Variants in RBFOX1 observed in about 807,000 individuals in gnomAD.
RBFOX1 encodes the protein RNA binding protein fox-1 homolog 1.
A neutral mutation model predicts 57.7 loss-of-function variants in RBFOX1; 8 were observed. The ratio of observed to expected loss-of-function variants is 0.14; its 90% CI spans 0.08 to 0.25. RBFOX1 has a LOEUF of 0.25. RBFOX1 is among the 10% of genes least tolerant of loss of function. RBFOX1 has a pLI of 1.00. For synonymous variants in RBFOX1, 326 were observed against 222.4 expected (o/e 1.47, Z -4.15); for missense variants, 611 against 548.5 (o/e 1.11, Z -1.14).
At chr16:7,586,746 A>C (rs955910930) in intron 6 of RBFOX1, among the ~76,000 whole-genome samples, 1 of 152,240 alleles carries the variant, frequency 6.6e-6, no homozygotes, top group Non-Finnish European at 1.5e-5. Context: ...TAGTGCCTAG[A>C]TAGTGGAGTT....
chr16:5,251,226 C>A (rs962361188), intron 1 of RBFOX1, among the ~76,000 whole-genome samples: 2 of 152,250 alleles, frequency 1.3e-5, no homozygotes, highest in African/African-American at 4.8e-5. Flanking sequence ...GGCAATGTTA[C>A]TGCAGATCTC....
chr16:5,790,464 T>A (rs11865123), intron 3 of RBFOX1, among the ~76,000 whole-genome samples: 45,465 of 150,040 alleles, frequency 0.3, 7,231 homozygotes, highest in East Asian at 0.54. Context: ...AAGAAAAAAT[T>A]GCTGCAATAC....
At chr16:5,750,911 G>A (rs947819548) in intron 3 of RBFOX1, among the ~76,000 whole-genome samples, 6 of 152,310 alleles carry the variant, frequency 3.9e-5, no homozygotes, top group South Asian at 2.1e-4. Context: ...AGATGAACCC[G>A]GTACTGGGAA....
intron 2 of RBFOX1, among the ~76,000 whole-genome samples, chr16:6,537,695 TATTA>T (rs1050665908): frequency 7.5e-4 from 114 of 152,314 alleles, no homozygotes; most frequent in African/African-American, 2.4e-3. Flanking sequence ...CTCTTACAAA[TATTA>T]ATTGAGTTCC....
At chr16:6,818,381 A>G (rs770801487) in intron 3 of RBFOX1, among the ~76,000 whole-genome samples, 9 of 152,150 alleles carry the variant, frequency 5.9e-5, no homozygotes, top group Non-Finnish European at 8.8e-5. Context: ...ACTTAAACCA[A>G]GTTTAGAAGA....
At chr16:5,521,642 A>G (rs777436138) in intron 2 of RBFOX1, among the ~76,000 whole-genome samples, 1 of 146,714 alleles carries the variant, frequency 6.8e-6, no homozygotes, top group Non-Finnish European at 1.5e-5. Flanking sequence ...CATCATGGAC[A>G]AGAAACTTGC....
chr16:7,139,198 A>G (rs8063382), intron 4 of RBFOX1, among the ~76,000 whole-genome samples: 6,071 of 56,036 alleles, frequency 0.11, 390 homozygotes, highest in African/African-American at 0.3. Context: ...GTGTGTGTGT[A>G]TGTGTGTGTG....
At chr16:6,938,173 G>A (rs983756809) in intron 3 of RBFOX1, among the ~76,000 whole-genome samples, 23 of 152,090 alleles carry the variant, frequency 1.5e-4, no homozygotes, top group African/African-American at 5.6e-4. Flanking sequence ...ACAAATTTCT[G>A]GATTTACTTT....
intron 1 of RBFOX1, among the ~76,000 whole-genome samples, chr16:5,339,204 A>G (rs770313453): frequency 2.0e-5 from 3 of 151,934 alleles, no homozygotes; most frequent in Non-Finnish European, 2.9e-5. Flanking sequence ...CCTACTCTCT[A>G]TTTTTATGAG....
At position 7,087,972 on chromosome 16, in the gene RBFOX1, AT is replaced by A. The variant is rs575910419; in HGVS notation, c.27+35875del. Among the ~76,000 whole-genome samples the A allele has an allele frequency of 1.1e-4, 16 of 152,242 alleles. No individual in the cohort carries two copies. The South Asian group carries it at 3.3e-3, about 32-fold the overall frequency. Reference sequence around the variant, plus strand: ...GGGATAAAGATTGCAGCCCAGAGTAATCGCATTTTGTGTAAGGTGATTATAC... The same window carrying A: ...GGGATAAAGATTGCAGCCCAGAGTAACGCATTTTGTGTAAGGTGATTATAC... On this transcript the variant is annotated intron_variant, in intron 4 of 15. Coordinates refer to ENST00000550418, the MANE Select transcript of RBFOX1 (RefSeq NM_018723.4).
At chr16:7,681,486 G>A (rs1458308923) in intron 14 of RBFOX1, among the ~76,000 whole-genome samples, 1 of 152,138 alleles carries the variant, frequency 6.6e-6, no homozygotes, top group East Asian at 1.9e-4. Flanking sequence ...CTCAGATTAA[G>A]TAGTAGAGAA....
intron 1 of RBFOX1, among the ~76,000 whole-genome samples, chr16:6,243,043 T>A (rs1426733111): frequency 6.6e-6 from 1 of 152,174 alleles, no homozygotes; most frequent in Non-Finnish European, 1.5e-5. Context: ...GATACTATCA[T>A]TGTTAACAGA....
intron 4 of RBFOX1, among the ~76,000 whole-genome samples, chr16:7,096,528 G>A (rs945678030): frequency 6.6e-6 from 1 of 152,088 alleles, no homozygotes; most frequent in Non-Finnish European, 1.5e-5. Flanking sequence ...CAATTTTCTT[G>A]CACCTGGATT....
chr16:6,378,227 C>T (rs1241975116), intron 2 of RBFOX1, among the ~76,000 whole-genome samples: 1 of 152,212 alleles, frequency 6.6e-6, no homozygotes, highest in Non-Finnish European at 1.5e-5. Flanking sequence ...CTTTGAGCTC[C>T]ATCTGCCGCA....
intron 4 of RBFOX1, among the ~76,000 whole-genome samples, chr16:5,869,916 A>G (rs1012847506): frequency 2.6e-5 from 4 of 152,152 alleles, no homozygotes; most frequent in African/African-American, 9.7e-5. Context: ...ACTGGAAACA[A>G]ACCAAATGTC....
intron 4 of RBFOX1, among the ~76,000 whole-genome samples, chr16:7,312,796 G>A (rs897036063): frequency 6.6e-6 from 1 of 152,170 alleles, no homozygotes; most frequent in Admixed American, 6.5e-5. Flanking sequence ...TCATTATTCT[G>A]TGATGCCAGA....
At chr16:6,737,182 A>G (rs2070629023) in intron 3 of RBFOX1, among the ~76,000 whole-genome samples, 1 of 152,192 alleles carries the variant, frequency 6.6e-6, no homozygotes, top group African/African-American at 2.4e-5. Flanking sequence ...AGAATGGTAG[A>G]TATTTGGCTA....
chr16:7,444,843 C>G (rs1049506265), intron 4 of RBFOX1, among the ~76,000 whole-genome samples: 3 of 152,150 alleles, frequency 2.0e-5, no homozygotes, highest in African/African-American at 4.8e-5. Context: ...ACATTTTACT[C>G]TTAATCCTGG....
At chr16:6,382,996 C>T (rs1216342709) in intron 2 of RBFOX1, among the ~76,000 whole-genome samples, 1 of 152,208 alleles carries the variant, frequency 6.6e-6, no homozygotes, top group East Asian at 1.9e-4. Context: ...GCCCAGGGCT[C>T]AGCTGCAGAG....
Sources: gnomAD v4.1 joint callset for allele counts (sites outside exome capture counted in the v4.1 genomes callset) on GRCh38, gnomAD v4.1.1 for gene constraint, MANE v1.5 for transcripts, NCBI Gene and HGNC (gene_info 2026-07-23, HGNC 2026-07-21) for gene names.